Variants in CCDC93 observed in about 807,000 individuals in gnomAD.
CCDC93 encodes CCC complex scaffolding subunit CCDC93, also known as coiled-coil domain-containing protein 93.
Under a neutral mutation model 108.2 loss-of-function variants are expected in CCDC93, and 61 were observed. The observed-to-expected ratio is 0.56, with a 90% CI of 0.46 to 0.70. The LOEUF (loss-of-function observed/expected upper bound fraction) is 0.70. Among genes scored for constraint, CCDC93 ranks in the 30% least tolerant of loss-of-function variants. The probability of loss-of-function intolerance (pLI) is 0.00; values close to 1 mark genes in which losing one functional copy is unlikely to be tolerated. For missense variants in CCDC93, 685 were observed against 764.2 expected (o/e 0.90, Z 1.22); for synonymous variants, 276 against 260.4 (o/e 1.06, Z -0.58).
chr2:117,921,130 T>C (rs1225257984), intron 23 of CCDC93, among the ~76,000 whole-genome samples: 13 of 150,684 alleles, frequency 8.6e-5, no homozygotes, highest in African/African-American at 2.7e-4. Context: ...TGAGCCGAGA[T>C]TGTGCCACTG....
At chr2:118,001,347 G>A (rs1359427430) in intron 3 of CCDC93, among the ~76,000 whole-genome samples, 1 of 151,884 alleles carries the variant, frequency 6.6e-6, no homozygotes, top group Non-Finnish European at 1.5e-5. Context: ...TAAATATCAG[G>A]CAACAAATAA....
intron 18 of CCDC93, among the ~76,000 whole-genome samples, chr2:117,943,708 T>C (rs1678777185): frequency 6.6e-6 from 1 of 152,250 alleles, no homozygotes; most frequent in African/African-American, 2.4e-5. Flanking sequence ...TTGATGTCAC[T>C]CTCACAAACT....
rs368312843 is a variant in CCDC93 at position 118,013,984 on chromosome 2, G to A, written c.12C>T (p.Pro4=). Residue 4 remains proline, a synonymous_variant, in exon 1 of 24, where the codon CCC becomes CCT. Coordinates refer to ENST00000376300, the MANE Select transcript of CCDC93 (RefSeq NM_019044.5). ...GGAGACCCTGGCCCTCCGGCCCCCT[G>A]GGCAACCCCATGATCCGACCGGGCT... MGL[P]RGPEGQGLPE... is the part of the protein sequence containing the mutation. 1.3e-4 allele frequency: 209 copies of A among 1,595,632 alleles called. 1 individual carries two copies. Among genetic ancestry groups the A allele is most frequent in the Non-Finnish European group, 1.7e-4 (196 of 1,172,698 alleles).
In CCDC93 at chr2:117,952,354, G is replaced by T; in HGVS notation, c.1068+19C>A. ...TTCTTGACAAGGGCCCACAGAAGAA[G>T]GAGAATCTATCTGCTCACCTCTGTC... On this transcript the variant is annotated intron_variant, in intron 13 of 23. Transcript: ENST00000376300. 6.4e-7 allele frequency: 1 copy of T among 1,558,698 alleles called. No individual in the cohort carries two copies. Among genetic ancestry groups the T allele is most frequent in the Non-Finnish European group, 8.9e-7 (1 of 1,129,464 alleles).
intron 18 of CCDC93, among the ~76,000 whole-genome samples, chr2:117,943,504 G>C (rs140106150): frequency 5.3e-4 from 80 of 152,304 alleles, no homozygotes; most frequent in African/African-American, 1.8e-3. Context: ...CAGCCTTTTG[G>C]CCACTCCTAC....
At chr2:117,927,837 T>A (rs1360376353) in intron 23 of CCDC93, among the ~76,000 whole-genome samples, 1 of 152,166 alleles carries the variant, frequency 6.6e-6, no homozygotes, top group East Asian at 1.9e-4. Context: ...GCTGGAGGCA[T>A]CATGCTACCT....
chr2:117,927,922 A>C (rs1678178661), intron 23 of CCDC93, among the ~76,000 whole-genome samples: 1 of 152,164 alleles, frequency 6.6e-6, no homozygotes, highest in Non-Finnish European at 1.5e-5. Context: ...ATATAGACCA[A>C]TGGAACAGAA....
chr2:117,981,456 G>A (rs1048173268), intron 7 of CCDC93, among the ~76,000 whole-genome samples: 1 of 152,122 alleles, frequency 6.6e-6, no homozygotes, highest in Non-Finnish European at 1.5e-5. Flanking sequence ...CCGCAGTGCC[G>A]CATGCTTCCA....
intron 23 of CCDC93, 26 bp from the exon 24 acceptor site, chr2:117,920,422 G>C (rs1386313260): frequency 6.3e-7 from 1 of 1,577,690 alleles, no homozygotes; most frequent in South Asian, 1.1e-5. Context: ...AGAGTATAGA[G>C]AGAGTGGTGA....
At chr2:117,980,723 C>G (rs149216304) in intron 7 of CCDC93, among the ~76,000 whole-genome samples, 1 of 152,320 alleles carries the variant, frequency 6.6e-6, no homozygotes, top group African/African-American at 2.4e-5. Flanking sequence ...ATAAAATTCA[C>G]CATTTCAAAG....
chr2:118,010,082 C>T (rs1054481641), intron 1 of CCDC93, among the ~76,000 whole-genome samples: 1 of 150,080 alleles, frequency 6.7e-6, no homozygotes, highest in Non-Finnish European at 1.5e-5. Flanking sequence ...GCTGGGACTA[C>T]AGGCACATGC....
chr2:118,001,177 T>C (rs1680839829), intron 3 of CCDC93: 1 of 399,018 alleles, frequency 2.5e-6, no homozygotes, highest in Non-Finnish European at 4.5e-6. Context: ...CCTACTTTTT[T>C]GGATGTAAAA....
intron 22 of CCDC93, among the ~76,000 whole-genome samples, chr2:117,932,537 AC>A (rs1399431508): frequency 8.5e-5 from 13 of 152,104 alleles, no homozygotes; most frequent in Non-Finnish European, 1.9e-4. Flanking sequence ...GAGTCCCAAG[AC>A]CCTGTGCCCT....
intron 3 of CCDC93, among the ~76,000 whole-genome samples, chr2:118,005,724 C>G (rs1676846960): frequency 7.6e-6 from 1 of 131,604 alleles, no homozygotes; most frequent in Admixed American, 8.7e-5. Flanking sequence ...TGCACTCCAG[C>G]ATGGGTGATA....
chr2:117,992,289 G>T (rs893056985), intron 6 of CCDC93, among the ~76,000 whole-genome samples: 1 of 152,060 alleles, frequency 6.6e-6, no homozygotes, highest in Non-Finnish European at 1.5e-5. Flanking sequence ...GCCACCCAGG[G>T]TGGAGTATAG....
At chr2:117,949,714 A>G in intron 13 of CCDC93, 1 of 978,270 alleles carries the variant, frequency 1.0e-6, no homozygotes. Flanking sequence ...TTAAAAAAAA[A>G]AAGTTTTAAA....
chr2:117,936,501 T>C, intron 21 of CCDC93: 1 of 559,740 alleles, frequency 1.8e-6, no homozygotes, highest in Non-Finnish European at 3.2e-6. Flanking sequence ...TCCTTCACTC[T>C]ACTATCATTA....
intron 7 of CCDC93, among the ~76,000 whole-genome samples, chr2:117,981,710 C>T (rs918853): frequency 0.97 from 148,155 of 152,330 alleles, 72,183 homozygotes; most frequent in Middle Eastern, 1. Flanking sequence ...ATAAACATTT[C>T]CCATTAACTA....
chr2:117,965,593 C>T (rs1007134261), intron 11 of CCDC93, among the ~76,000 whole-genome samples: 2 of 152,156 alleles, frequency 1.3e-5, no homozygotes, highest in South Asian at 4.1e-4. Flanking sequence ...TTTCTTTGGG[C>T]AGATACTGTC....
Sources: allele counts gnomAD v4.1 joint callset (sites outside exome capture counted in the v4.1 genomes callset), GRCh38; gene constraint gnomAD v4.1.1; transcripts MANE v1.5; gene names NCBI Gene and HGNC (gene_info 2026-07-23, HGNC 2026-07-21).